The following NRXN3 variants were observed in gnomAD, a reference collection of about 807,000 sequenced individuals.
NRXN3 encodes neurexin III.
Under a neutral mutation model 137.6 loss-of-function variants are expected in NRXN3, and 32 were observed. That is an observed-to-expected ratio of 0.23 (90% confidence interval 0.18 to 0.31). The LOEUF is 0.31. Among genes scored for constraint, NRXN3 ranks in the 10% least tolerant of loss-of-function variants. NRXN3 has a pLI of 1.00. For missense variants in NRXN3, 1,574 were observed against 2,062.5 expected (o/e 0.76, Z 4.59); for synonymous variants, 798 against 784.5 (o/e 1.02, Z -0.29).
At chr14:78,188,720 G>A (rs1262174604) in intron 1 of NRXN3, among the ~76,000 whole-genome samples, 2 of 152,158 alleles carry the variant, frequency 1.3e-5, no homozygotes, top group Non-Finnish European at 2.9e-5. Flanking sequence ...TGAGTTCTGT[G>A]TGTGCAAACT....
At chr14:79,156,757 G>A (rs192500329) in intron 15 of NRXN3, among the ~76,000 whole-genome samples, 1 of 151,888 alleles carries the variant, frequency 6.6e-6, no homozygotes, top group African/African-American at 2.4e-5. Context: ...TTTGGAATTG[G>A]CAGCAATGAC....
At position 78,297,785 on chromosome 14, in the gene NRXN3, A is replaced by C. The variant is rs564665296; in HGVS notation, c.728-46A>C. 4.5e-6 allele frequency: 6 copies of C among 1,342,984 alleles called. No individual in the cohort carries two copies. In the African/African-American group the frequency reaches 5.8e-5, roughly 13 times the overall value. 83.2% of individuals were successfully genotyped at this position (1,342,984 alleles called of 1,614,324 possible). On this transcript the variant is annotated intron_variant, in intron 3 of 20. Transcript: ENST00000335750. ...CTTTGTCTTCTTTCTTTTTTTCCTT[A>C]CCCTTCCCCACTCCTCTTCCCTTTC...
intron 19 of NRXN3, among the ~76,000 whole-genome samples, chr14:79,741,909 T>G (rs560907727): frequency 6.6e-6 from 1 of 152,262 alleles, no homozygotes; most frequent in South Asian, 2.1e-4. Context: ...ACACAACATA[T>G]ACATATAGAT....
chr14:78,756,743 G>C (rs1434810750), intron 8 of NRXN3, among the ~76,000 whole-genome samples: 1 of 152,166 alleles, frequency 6.6e-6, no homozygotes, highest in Non-Finnish European at 1.5e-5. Context: ...ACAATTAACA[G>C]CTATACATAG....
At chr14:78,927,124 C>T (rs140124749) in intron 10 of NRXN3, among the ~76,000 whole-genome samples, 23 of 125,904 alleles carry the variant, frequency 1.8e-4, no homozygotes, top group Middle Eastern at 4.0e-3. Flanking sequence ...CACTGCACTC[C>T]GGCCTAAGTG....
rs183448932 is a variant in NRXN3, at chr14:78,362,570, G to A, written c.757+64710G>A. ...GGATGTTTTTCATATCTATTAAGAA[G>A]GAAATAATTTTGAGTTGTATAGTCA... On this transcript the variant is annotated intron_variant, in intron 4 of 20. Coordinates refer to ENST00000335750, the MANE Select transcript of NRXN3 (RefSeq NM_001330195.2). Among the ~76,000 whole-genome samples the A allele has an allele frequency of 2.0e-5, 3 of 152,102 alleles. 1 individual carries two copies. Among genetic ancestry groups the A allele is most frequent in the South Asian group, 4.2e-4 (2 of 4,806 alleles).
At chr14:78,906,300 C>G (rs1365735104) in intron 10 of NRXN3, among the ~76,000 whole-genome samples, 1 of 152,002 alleles carries the variant, frequency 6.6e-6, no homozygotes, top group Non-Finnish European at 1.5e-5. Flanking sequence ...ACACTGTGCC[C>G]TGCACTCCAA....
chr14:78,873,832 C>T (rs1339124668), intron 10 of NRXN3, among the ~76,000 whole-genome samples: 1 of 152,114 alleles, frequency 6.6e-6, no homozygotes, highest in East Asian at 1.9e-4. Flanking sequence ...ATGAGGTCCC[C>T]AGGGTAGTCT....
intron 10 of NRXN3, among the ~76,000 whole-genome samples, chr14:78,849,925 A>G (rs143469089): frequency 1.2e-4 from 18 of 152,288 alleles, no homozygotes; most frequent in South Asian, 4.1e-4. Context: ...GACAGCAAAG[A>G]TTTCATGGAG....
At chr14:78,694,252 G>A (rs2098202949) in intron 6 of NRXN3, among the ~76,000 whole-genome samples, 1 of 151,870 alleles carries the variant, frequency 6.6e-6, no homozygotes, top group Non-Finnish European at 1.5e-5. Context: ...TTTAATCTTT[G>A]TATTTCCATA....
intron 16 of NRXN3, among the ~76,000 whole-genome samples, chr14:79,588,061 T>C (rs2097775679): frequency 6.6e-6 from 1 of 152,214 alleles, no homozygotes; most frequent in Non-Finnish European, 1.5e-5. Flanking sequence ...TTCAGATTCA[T>C]TTCAGGAAAA....
At chr14:78,287,030 G>A (rs1194066548) in intron 3 of NRXN3, among the ~76,000 whole-genome samples, 1 of 152,206 alleles carries the variant, frequency 6.6e-6, no homozygotes, top group Non-Finnish European at 1.5e-5. Flanking sequence ...GTATGCATCA[G>A]AATCACTTGG....
chr14:78,411,380 C>A (rs540022330), intron 4 of NRXN3, among the ~76,000 whole-genome samples: 1 of 152,184 alleles, frequency 6.6e-6, no homozygotes, highest in Admixed American at 6.5e-5. Flanking sequence ...TTCCCTGCTG[C>A]AGCACAGGCC....
intron 15 of NRXN3, among the ~76,000 whole-genome samples, chr14:79,049,925 T>C (rs980337249): frequency 3.3e-5 from 5 of 152,164 alleles, no homozygotes; most frequent in Non-Finnish European, 7.4e-5. Context: ...AGGCAGTCTC[T>C]CTGCAGGAGT....
chr14:78,224,799 G>A lies in NRXN3; in HGVS notation c.-703-17592G>A, dbSNP rs370882965. The stretch of plus-strand genomic sequence containing the variant: ...TTTTGAGACGGAGTCTCGCTCTGTC[G>A]CCCAGGCTGGACTGCGGACTGCAGT... On this transcript the variant is annotated intron_variant, in intron 1 of 20. Coordinates refer to ENST00000335750, the MANE Select transcript of NRXN3 (RefSeq NM_001330195.2). Among the ~76,000 whole-genome samples, 17 of 111,554 alleles carry A rather than the reference G, an allele frequency of 1.5e-4. No individual in the cohort carries two copies. In the East Asian group the frequency reaches 1.8e-3, roughly 12 times the overall value. 73.2% of individuals were successfully genotyped at this position (111,554 alleles called of 152,430 possible).
At chr14:79,257,603 G>GGT (rs1191648801) in intron 15 of NRXN3, among the ~76,000 whole-genome samples, 1 of 136,428 alleles carries the variant, frequency 7.3e-6, no homozygotes, top group African/African-American at 2.7e-5. Context: ...TGGTGGTGGT[G>GGT]GTGGTGGTGG....
chr14:79,577,355 T>C (rs1420705448), intron 16 of NRXN3, among the ~76,000 whole-genome samples: 1 of 152,226 alleles, frequency 6.6e-6, no homozygotes, highest in Non-Finnish European at 1.5e-5. Flanking sequence ...ATAATTAAGA[T>C]AGTCTATTTG....
intron 10 of NRXN3, among the ~76,000 whole-genome samples, chr14:78,839,047 T>C (rs1290183460): frequency 6.6e-6 from 1 of 152,206 alleles, no homozygotes; most frequent in Admixed American, 6.6e-5. Flanking sequence ...TTCCCTCATA[T>C]AGCTTAATTG....
intron 4 of NRXN3, among the ~76,000 whole-genome samples, chr14:78,485,760 A>G (rs958040801): frequency 6.6e-6 from 1 of 152,184 alleles, no homozygotes; most frequent in African/African-American, 2.4e-5. Flanking sequence ...TTATTGGCAA[A>G]GCAAATGCAA....
Sources: gnomAD v4.1 joint callset for allele counts (sites outside exome capture counted in the v4.1 genomes callset) on GRCh38, gnomAD v4.1.1 for gene constraint, MANE v1.5 for transcripts, NCBI Gene and HGNC (gene_info 2026-07-23, HGNC 2026-07-21) for gene names.